Variants in MYOM3 observed in about 807,000 individuals in gnomAD.
MYOM3 encodes myomesin-3.
A neutral mutation model predicts 191.7 loss-of-function variants in MYOM3; 155 were observed. The ratio of observed to expected loss-of-function variants is 0.81; its 90% CI spans 0.71 to 0.92. The LOEUF (loss-of-function observed/expected upper bound fraction) is 0.92. Among genes scored for constraint, MYOM3 ranks in the 40% least tolerant of loss-of-function variants. The pLI, the probability that MYOM3 is intolerant of heterozygous loss-of-function variation, is 0.00. For synonymous variants in MYOM3, 757 were observed against 762.9 expected (o/e 0.99, Z 0.13); for missense variants, 1,889 against 1,890.6 (o/e 1.00, Z 0.02).
intron 27 of MYOM3, among the ~76,000 whole-genome samples, chr1:24,067,350 T>TTCTC: frequency 1.3e-5 from 1 of 75,344 alleles, no homozygotes; most frequent in Non-Finnish European, 2.8e-5. Flanking sequence ...CTTTCTTTCT[T>TTCTC]TCTTTCTTTC....
In MYOM3 at chr1:24,074,274, C is replaced by A; in HGVS notation, c.2859-5G>T. On this transcript the variant is annotated splice_polypyrimidine_tract_variant and splice_region_variant and intron_variant, in intron 22 of 36. Transcript: ENST00000374434. ...TCTTTCAGGATGACCTTGGACCTGG[C>A]AGAGAGAGGAGAGCAGAGGCTCTGG... 6.2e-7 allele frequency: 1 copy of A among 1,610,390 alleles called. No homozygotes were observed. Among genetic ancestry groups the A allele is most frequent in the Non-Finnish European group, 8.5e-7 (1 of 1,176,876 alleles).
At chr1:24,066,428 A>G in intron 28 of MYOM3, 1 of 587,528 alleles carries the variant, frequency 1.7e-6, no homozygotes, top group East Asian at 2.8e-5. Flanking sequence ...CACAAAATAG[A>G]TGCTCTGAGT....
At chr1:24,067,227 T>G in intron 27 of MYOM3, 139 bp from the exon 28 acceptor site, 1 of 745,560 alleles carries the variant, frequency 1.3e-6, no homozygotes, top group Non-Finnish European at 2.2e-6. Context: ...GGGCTGGGAC[T>G]GGGGTGAGGC....
At chr1:24,066,051 A>G (rs1570853586) in intron 28 of MYOM3, 50 bp from the exon 29 acceptor site, 4 of 1,201,778 alleles carry the variant, frequency 3.3e-6, no homozygotes, top group Non-Finnish European at 5.0e-6. Context: ...TTTCTTTTTG[A>G]GTAAAAACAC....
At chr1:24,102,140 T>C (rs560068980) in intron 5 of MYOM3, among the ~76,000 whole-genome samples, 57 of 152,292 alleles carry the variant, frequency 3.7e-4, no homozygotes, top group Admixed American at 1.6e-3. Flanking sequence ...GCCTGCATCC[T>C]TCCCTGGACC....
intron 24 of MYOM3, 89 bp downstream of exon 24, chr1:24,071,880 G>T: frequency 7.2e-7 from 1 of 1,393,766 alleles, no homozygotes; most frequent in Non-Finnish European, 1.0e-6. Context: ...GTTGTTTCCT[G>T]GTCCTTGGCC....
chr1:24,067,125 G>C, intron 27 of MYOM3, 37 bp from the exon 28 acceptor site: 1 of 1,550,282 alleles, frequency 6.5e-7, no homozygotes, highest in South Asian at 1.2e-5. Context: ...CTGTCAGAGA[G>C]CCAGGCTCAG....
Position 24,063,563 on chromosome 1 carries a change from A to G in MYOM3, c.3623-33T>C, listed in dbSNP as rs780968288. 2.5e-6 allele frequency: 4 copies of G among 1,613,754 alleles called. No homozygotes were observed. Among genetic ancestry groups the G allele is most frequent in the Middle Eastern group, 1.6e-4 (1 of 6,062 alleles). On this transcript the variant is annotated intron_variant, in intron 30 of 36. Transcript: ENST00000374434. This position sits in a 1 kb window ranked among gnomAD's most constrained non-coding sequence, Gnocchi z 4.5. ...GAAACAGAGAGAAGGGTTAGCTGGC[A>G]TAGGGCTCCCCTAGGGATGTGCTAG... is the stretch of plus-strand genomic sequence containing the variant.
intron 11 of MYOM3, among the ~76,000 whole-genome samples, 198 bp from the exon 12 acceptor site, chr1:24,091,194 C>T (rs920202996): frequency 2.0e-5 from 3 of 152,204 alleles, no homozygotes; most frequent in Admixed American, 6.5e-5. Context: ...TGACACTGAC[C>T]AGCAGCAGTG....
At chr1:24,092,043 C>T (rs1643845362) in intron 11 of MYOM3, 131 bp downstream of exon 11, 2 of 854,658 alleles carry the variant, frequency 2.3e-6, no homozygotes, top group South Asian at 3.7e-5. Context: ...AGCCTGTCTC[C>T]TGTCCTTTTC....
rs1190379166 is a variant in MYOM3, at chr1:24,092,210, G to T, written c.1196C>A (p.Thr399Asn). ...GTAGGCAGTGATGGGGTTGCCCCGG[G>T]TGTCACTGGGCGGGGCCCAAGTCAG... ...LILTWAPPSD[T>N]RGNPITAYTI... The change falls in exon 11 of 37, where the codon ACC becomes AAC. Residue 399 changes from threonine to asparagine, a missense_variant. By Grantham distance (65) the Thr-to-Asn change is moderately conservative. Transcript: ENST00000374434. 6.9e-7 allele frequency: 1 copy of T among 1,456,362 alleles called. No individual in the cohort carries two copies. The highest frequency in any genetic ancestry group is 1.5e-5 in the South Asian group (1 of 68,648). 90.2% of individuals were successfully genotyped at this position (1,456,362 alleles called of 1,614,324 possible). A position where few individuals can be genotyped will look rare whatever the true frequency, so the allele number is the denominator to read the frequency against.
chr1:24,094,946 G>A lies in MYOM3; in HGVS notation c.835C>T (p.Pro279Ser), dbSNP rs951575213. 5 of 1,613,976 alleles carry A rather than the reference G, an allele frequency of 3.1e-6. No homozygotes were observed. The South Asian group carries it at 3.3e-5, about 11-fold the overall frequency. ...PSVEFTSVLK[P>S]VFAREKEPFS... ...GGTTCCTTCTCACGAGCAAAGACTG[G>A]CTTCAGCACCGAGGTGAATTCCACG... is the stretch of plus-strand genomic sequence containing the variant. The change falls in exon 9 of 37, where the codon CCA (proline) becomes TCA (serine). Residue 279 changes from proline to serine, a missense_variant. By Grantham distance (74) the Pro-to-Ser change is moderately conservative (BLOSUM62 -1). Coordinates refer to ENST00000374434, the MANE Select transcript of MYOM3 (RefSeq NM_152372.4).
intron 24 of MYOM3, among the ~76,000 whole-genome samples, chr1:24,071,737 A>G (rs1274972661): frequency 2.0e-5 from 3 of 152,234 alleles, no homozygotes; most frequent in Non-Finnish European, 2.9e-5. Flanking sequence ...AATAACAGTA[A>G]TTATAAAAGA....
intron 12 of MYOM3, 124 bp from the exon 13 acceptor site, chr1:24,090,242 C>A: frequency 1.3e-6 from 1 of 747,472 alleles, no homozygotes; most frequent in East Asian, 2.6e-5. Flanking sequence ...CCTCGCTGTG[C>A]AACCTCAGAC....
intron 33 of MYOM3, among the ~76,000 whole-genome samples, chr1:24,061,670 C>T (rs1643371695): frequency 6.6e-6 from 1 of 152,140 alleles, no homozygotes; most frequent in African/African-American, 2.4e-5. Flanking sequence ...GCCTCTATCT[C>T]CTGGGCTCAA....
chr1:24,069,893 G>A (rs1643502095), intron 25 of MYOM3, among the ~76,000 whole-genome samples: 2 of 149,190 alleles, frequency 1.3e-5, no homozygotes, highest in African/African-American at 2.6e-5. Flanking sequence ...TTTCAGGCAT[G>A]GGCACCCCGC....
rs556662509 is a variant in MYOM3, at chr1:24,074,153, G to A, written c.2968+7C>T. The A allele has an allele frequency of 1.4e-5, 22 of 1,604,028 alleles. No individual in the cohort carries two copies. In the African/African-American group the frequency reaches 2.7e-4, roughly 19 times the overall value. On this transcript the variant is annotated splice_region_variant and intron_variant, in intron 23 of 36. Transcript: ENST00000374434. Reference sequence around the variant, plus strand: ...GGAGGTGGCAGGGAGCGGGGTAGGTGCATTACCTTCCTCGGTTAGCGTGTG... The same window carrying A: ...GGAGGTGGCAGGGAGCGGGGTAGGTACATTACCTTCCTCGGTTAGCGTGTG...
chr1:24,068,331 C>T lies in MYOM3; in HGVS notation c.3187G>A (p.Val1063Met). 6.2e-7 allele frequency: 1 copy of T among 1,614,050 alleles called. No homozygotes were observed. The highest frequency in any genetic ancestry group is 8.5e-7 in the Non-Finnish European group (1 of 1,179,906). Residue 1063 changes from valine to methionine, a missense_variant, in exon 26 of 37, where the codon GTG becomes ATG. Transcript: ENST00000374434. ...GACAAGTTCTGGATGATCACTTCCA[C>T]CAGGCCCTTCTCTCGGTCAAAATTG... ...KINFDREKGL[V>M]EVIIQNLSEE...
chr1:24,085,831 A>ATGTGTG (rs35549651), intron 15 of MYOM3, among the ~76,000 whole-genome samples: 1 of 151,432 alleles, frequency 6.6e-6, no homozygotes, highest in Non-Finnish European at 1.5e-5. Flanking sequence ...CCGTGTGTGT[A>ATGTGTG]TGTGTGTGTG....
Sources: gnomAD v4.1 joint callset for allele counts (sites outside exome capture counted in the v4.1 genomes callset) on GRCh38, gnomAD v4.1.1 for gene constraint, Gnocchi (gnomAD v3.1) non-coding constraint, MANE v1.5 for transcripts, NCBI Gene and HGNC (gene_info 2026-07-23, HGNC 2026-07-21) for gene names.